AOX1: variants seen among roughly 807,000 people sequenced by gnomAD.
AOX1 encodes aldehyde oxidase.
A neutral mutation model predicts 169.5 loss-of-function variants in AOX1; 153 were observed. That is an observed-to-expected ratio of 0.90 (90% confidence interval 0.79 to 1.03). The LOEUF is 1.03. Among genes scored for constraint, AOX1 ranks in the 50% least tolerant of loss-of-function variants. The probability of loss-of-function intolerance (pLI) is 0.00; values close to 1 mark genes in which losing one functional copy is unlikely to be tolerated. For missense variants in AOX1, 1,656 were observed against 1,663.9 expected (o/e 1.00, Z 0.08); for synonymous variants, 562 against 581.9 (o/e 0.97, Z 0.49).
intron 26 of AOX1, among the ~76,000 whole-genome samples, chr2:200,656,381 G>T (rs2035685059): frequency 6.6e-6 from 1 of 152,190 alleles, no homozygotes; most frequent in African/African-American, 2.4e-5. Context: ...TTAGCAGTCT[G>T]GTTCCTTCTG....
chr2:200,651,653 T>C (rs987389295), intron 26 of AOX1, among the ~76,000 whole-genome samples: 8 of 152,228 alleles, frequency 5.3e-5, no homozygotes, highest in Non-Finnish European at 1.2e-4. Flanking sequence ...CTGGGTGGGT[T>C]GGAATAAATT....
At position 200,613,881 on chromosome 2, in the gene AOX1, G is replaced by C; in HGVS notation, c.1526G>C (p.Gly509Ala). ...GTCTCCCTTTTGGGCTCGGCGCCAG[G>C]TGGGAAAGTGGAGTTCAAGAGGACT... ...NEVSLLGSAP[G>A]GKVEFKRTLI... The change falls in exon 15 of 35, where the codon GGT becomes GCT. Residue 509 changes from glycine to alanine, a missense_variant. Transcript: ENST00000374700. 1 of 1,612,722 alleles carries C rather than the reference G, an allele frequency of 6.2e-7. No homozygotes were observed. The highest frequency in any genetic ancestry group is 8.5e-7 in the Non-Finnish European group (1 of 1,179,980).
At chr2:200,630,833 C>G (rs2035110464) in intron 20 of AOX1, among the ~76,000 whole-genome samples, 1 of 152,156 alleles carries the variant, frequency 6.6e-6, no homozygotes, top group South Asian at 2.1e-4. Context: ...GTGTCCCACA[C>G]TGGGGCCTGT....
chr2:200,595,660 C>G (rs1417376530), intron 3 of AOX1, among the ~76,000 whole-genome samples: 2 of 151,918 alleles, frequency 1.3e-5, no homozygotes, highest in Non-Finnish European at 2.9e-5. Flanking sequence ...GAGTTTGAGT[C>G]CAGCCTGGGC....
In AOX1 at chr2:200,627,421, A is replaced by C; in HGVS notation, c.2193A>C (p.Ala731=). Residue 731 remains alanine, a synonymous_variant, in exon 20 of 35, where the codon GCA becomes GCC. Coordinates refer to ENST00000374700, the MANE Select transcript of AOX1 (RefSeq NM_001159.4). ...TGGAATATGGAAATGTTGACGAAGC[A>C]TTTAAAGTGGTTGATCAAATTCTTG... The part of the protein sequence containing the change: ...RKLEYGNVDE[A]FKVVDQILEG... 6.2e-7 allele frequency: 1 copy of C among 1,613,780 alleles called. No homozygotes were observed. Among genetic ancestry groups the C allele is most frequent in the Non-Finnish European group, 8.5e-7 (1 of 1,179,678 alleles).
chr2:200,664,251 A>G lies in AOX1; in HGVS notation c.3543+1282A>G, dbSNP rs1459768310. On this transcript the variant is annotated intron_variant, in intron 31 of 34. Coordinates refer to ENST00000374700, the MANE Select transcript of AOX1 (RefSeq NM_001159.4). ...GTGATTCTTGTGCCTCAGCCTCCCA[A>G]GTAGCTGGGATTACAGGCTGCGCCA... 2.6e-5 allele frequency among the ~76,000 whole-genome samples: 4 copies of G among 152,208 alleles called. No individual in the cohort carries two copies. The East Asian group carries it at 5.8e-4, about 22-fold the overall frequency.
At chr2:200,618,119 C>A (rs767751768) in intron 16 of AOX1, among the ~76,000 whole-genome samples, 2 of 152,146 alleles carry the variant, frequency 1.3e-5, no homozygotes, top group Non-Finnish European at 2.9e-5. Context: ...CCCCTACATT[C>A]GTGGCCTAAT....
chr2:200,678,611 A>G (rs2036128881), downstream of AOX1: 2 of 152,188 alleles, frequency 1.3e-5, no homozygotes, highest in Non-Finnish European at 2.9e-5. Flanking sequence ...CTCAATCTAT[A>G]TAATCAATTC....
At chr2:200,625,520 G>A (rs2034982653) in intron 19 of AOX1, among the ~76,000 whole-genome samples, 1 of 152,180 alleles carries the variant, frequency 6.6e-6, no homozygotes, top group Admixed American at 6.5e-5. Flanking sequence ...GAAAAGAGTT[G>A]CCTCACATTG....
At chr2:200,630,081 A>G (rs1418830616) in intron 20 of AOX1, among the ~76,000 whole-genome samples, 1 of 152,040 alleles carries the variant, frequency 6.6e-6, no homozygotes, top group Non-Finnish European at 1.5e-5. Flanking sequence ...TCTATTAAAA[A>G]AGAAAAAGGA....
At chr2:200,598,523 T>C (rs1339555966) in intron 4 of AOX1, among the ~76,000 whole-genome samples, 2 of 152,136 alleles carry the variant, frequency 1.3e-5, no homozygotes, top group African/African-American at 4.8e-5. Flanking sequence ...GGTGGGCAGA[T>C]CACGAGCTCA....
intron 27 of AOX1, among the ~76,000 whole-genome samples, chr2:200,657,253 A>G (rs1361381468): frequency 1.5e-5 from 2 of 136,052 alleles, no homozygotes; most frequent in Non-Finnish European, 3.1e-5. Context: ...CCTACTTGGG[A>G]GGCTGAGGTG....
rs776407122 is a variant in AOX1 at position 200,602,268 on chromosome 2, G to C, written c.437-16G>C. ...CTGGGTCACTTGGCTAACAGAGCTGGGTTTTTCTCCTTCAGGTAACCTGTG... is the reference window on the plus strand; with the variant it reads ...CTGGGTCACTTGGCTAACAGAGCTGCGTTTTTCTCCTTCAGGTAACCTGTG... On this transcript the variant is annotated splice_polypyrimidine_tract_variant and intron_variant, in intron 5 of 34. Transcript: ENST00000374700. The C allele has an allele frequency of 9.3e-6, 15 of 1,613,052 alleles. No individual in the cohort carries two copies. The highest frequency in any genetic ancestry group is 1.3e-5 in the Non-Finnish European group (15 of 1,179,478).
At chr2:200,666,843 C>A in intron 32 of AOX1, 91 bp downstream of exon 32, 1 of 850,298 alleles carries the variant, frequency 1.2e-6, no homozygotes, top group Non-Finnish European at 1.9e-6. Flanking sequence ...TCTTATTCAT[C>A]ATCTTATTTT....
Position 200,613,875 on chromosome 2 carries a change from C to T in AOX1, c.1520C>T (p.Ala507Val), listed in dbSNP as rs759164141. The stretch of plus-strand genomic sequence containing the variant: ...AATGAAGTCTCCCTTTTGGGCTCGG[C>T]GCCAGGTGGGAAAGTGGAGTTCAAG... ...ILNEVSLLGS[A>V]PGGKVEFKRT... Residue 507 changes from alanine to valine, a missense_variant, in exon 15 of 35, where the codon GCG (alanine) becomes GTG (valine). By Grantham distance (64) the Ala-to-Val change is moderately conservative. Coordinates refer to ENST00000374700, the MANE Select transcript of AOX1 (RefSeq NM_001159.4). 9.1e-5 allele frequency: 146 copies of T among 1,612,660 alleles called. No homozygotes were observed. Among genetic ancestry groups the T allele is most frequent in the Middle Eastern group, 2.0e-4 (1 of 4,940 alleles).
At chr2:200,620,383 T>TGTTTTG (rs56365733) in intron 16 of AOX1, among the ~76,000 whole-genome samples, 1 of 151,482 alleles carries the variant, frequency 6.6e-6, no homozygotes, top group Admixed American at 6.6e-5. Flanking sequence ...TGTTTTGTTT[T>TGTTTTG]TTTTTAGTAG....
At chr2:200,646,815 T>C (rs957439611) in intron 25 of AOX1, among the ~76,000 whole-genome samples, 2 of 152,190 alleles carry the variant, frequency 1.3e-5, no homozygotes, top group African/African-American at 2.4e-5. Flanking sequence ...ATAATGCACC[T>C]CTTTGTCTCT....
chr2:200,644,811 T>G (rs1386322266), intron 25 of AOX1, among the ~76,000 whole-genome samples: 1 of 152,154 alleles, frequency 6.6e-6, no homozygotes, highest in Non-Finnish European at 1.5e-5. Context: ...GCAACTATTG[T>G]AAAAGGGGTT....
At chr2:200,611,061 G>A (rs2034627868) in intron 12 of AOX1, among the ~76,000 whole-genome samples, 1 of 152,006 alleles carries the variant, frequency 6.6e-6, no homozygotes, top group Admixed American at 6.6e-5. Flanking sequence ...CACCATGTTG[G>A]CCAGGCCGGT....
Sources: allele counts gnomAD v4.1 joint callset (sites outside exome capture counted in the v4.1 genomes callset), GRCh38; gene constraint gnomAD v4.1.1; transcripts MANE v1.5; gene names NCBI Gene and HGNC (gene_info 2026-07-23, HGNC 2026-07-21).